PITPNC1: variants seen among roughly 807,000 people sequenced by gnomAD.
PITPNC1 encodes the protein phosphatidylinositol transfer protein cytoplasmic 1, also known as cytoplasmic phosphatidylinositol transfer protein 1.
In PITPNC1, 18 loss-of-function variants were observed where a neutral mutation model predicts 44.7. The ratio of observed to expected loss-of-function variants is 0.40; its 90% CI spans 0.28 to 0.60. The LOEUF (loss-of-function observed/expected upper bound fraction) is 0.60. Among genes scored for constraint, PITPNC1 ranks in the 20% least tolerant of loss-of-function variants. The pLI is 0.39. For missense variants in PITPNC1, 290 were observed against 418.4 expected (o/e 0.69, Z 2.68); for synonymous variants, 141 against 149.6 (o/e 0.94, Z 0.42).
intron 5 of PITPNC1, among the ~76,000 whole-genome samples, chr17:67,584,931 A>G (rs2041291580): frequency 6.6e-6 from 1 of 152,072 alleles, no homozygotes; most frequent in African/African-American, 2.4e-5. Context: ...CCTGACCAAC[A>G]TAGAGAAACC....
chr17:67,454,859 AC>A (rs1396592438), intron 1 of PITPNC1, among the ~76,000 whole-genome samples: 1 of 139,656 alleles, frequency 7.2e-6, no homozygotes, highest in African/African-American at 2.8e-5. Flanking sequence ...TCACTGTGTC[AC>A]CCAGGCTGGA....
At chr17:67,398,583 C>T (rs1276329932) in intron 1 of PITPNC1, among the ~76,000 whole-genome samples, 2 of 152,036 alleles carry the variant, frequency 1.3e-5, no homozygotes, top group Non-Finnish European at 2.9e-5. Flanking sequence ...TGGTGCATCT[C>T]ATCGATTTGC....
At chr17:67,425,244 CACACACACACACACACACAGAG>C (rs1240958292) in intron 1 of PITPNC1, among the ~76,000 whole-genome samples, 23 of 115,884 alleles carry the variant, frequency 2.0e-4, no homozygotes, top group African/African-American at 6.3e-4. Flanking sequence ...CACACACACA[CACACACACACACACACACAGAG>C]GGAGAGAGAG....
intron 1 of PITPNC1, among the ~76,000 whole-genome samples, chr17:67,411,017 G>A (rs1381672970): frequency 6.6e-6 from 1 of 151,340 alleles, no homozygotes; most frequent in Non-Finnish European, 1.5e-5. Flanking sequence ...GGGAGGCGGA[G>A]GTTGCAGTGA....
At chr17:67,622,189 G>A (rs953546165) in intron 5 of PITPNC1, among the ~76,000 whole-genome samples, 27 of 150,584 alleles carry the variant, frequency 1.8e-4, no homozygotes, top group Admixed American at 1.5e-3. Flanking sequence ...CCCGGGAGGC[G>A]GAGCTTGCAG....
intron 1 of PITPNC1, among the ~76,000 whole-genome samples, chr17:67,469,821 G>C (rs1309073201): frequency 6.6e-6 from 1 of 152,086 alleles, no homozygotes; most frequent in Admixed American, 6.6e-5. Flanking sequence ...TAGCTATAGA[G>C]AGGCTCAGGA....
At chr17:67,392,912 G>C (rs2038160149) in intron 1 of PITPNC1, among the ~76,000 whole-genome samples, 1 of 152,088 alleles carries the variant, frequency 6.6e-6, no homozygotes, top group South Asian at 2.1e-4. Context: ...TTGAGGTCAG[G>C]AGTTGGAAAC....
chr17:67,420,698 C>G (rs886090487), intron 1 of PITPNC1, among the ~76,000 whole-genome samples: 2 of 152,146 alleles, frequency 1.3e-5, no homozygotes, highest in African/African-American at 2.4e-5. Flanking sequence ...TCCCAAAGTG[C>G]TGGGATTACA....
intron 1 of PITPNC1, among the ~76,000 whole-genome samples, chr17:67,426,596 C>T (rs557794622): frequency 1.4e-4 from 19 of 132,252 alleles, no homozygotes; most frequent in African/African-American, 3.6e-4. Flanking sequence ...CAACACACAC[C>T]GGGGCCTGTT....
At position 67,389,278 on chromosome 17, in the gene PITPNC1, C is replaced by T. The variant is rs553701933; in HGVS notation, c.48+11076C>T. On this transcript the variant is annotated intron_variant, in intron 1 of 8. Coordinates refer to ENST00000581322, the MANE Select transcript of PITPNC1 (RefSeq NM_012417.4). ...ACTTCAGATCTCTCCGACTTGCTGTCTCTGACTTCTTGATTCTTTTCCAAA... is the reference window on the plus strand; with the variant it reads ...ACTTCAGATCTCTCCGACTTGCTGTTTCTGACTTCTTGATTCTTTTCCAAA... 1.1e-4 allele frequency among the ~76,000 whole-genome samples: 16 copies of T among 152,160 alleles called. 1 individual carries two copies. The South Asian group carries it at 3.3e-3, about 32-fold the overall frequency.
intron 5 of PITPNC1, among the ~76,000 whole-genome samples, chr17:67,614,851 A>G (rs993052302): frequency 7.0e-6 from 1 of 142,316 alleles, no homozygotes; most frequent in Non-Finnish European, 1.6e-5. Context: ...CGTCTCTACT[A>G]AAAAAAAAAA....
In PITPNC1 at chr17:67,669,489, T is replaced by C; in HGVS notation, c.463-19T>C. 1.4e-6 allele frequency: 2 copies of C among 1,441,022 alleles called. No homozygotes were observed. The highest frequency in any genetic ancestry group is 1.8e-6 in the Non-Finnish European group (2 of 1,090,982). The allele number at this position is 1,441,022 out of a possible 1,614,324, so 89.3% of individuals were successfully genotyped here. ...TCAAACTTTTAATATATCAATTTCT[T>C]TGATTTTTTTTTTTCTAGGATCCTA... On this transcript the variant is annotated intron_variant, in intron 6 of 8. Transcript: ENST00000581322.
intron 4 of PITPNC1, 34 bp from the exon 5 acceptor site, chr17:67,578,152 G>T (rs1427584330): frequency 1.4e-6 from 2 of 1,420,884 alleles, no homozygotes; most frequent in African/African-American, 1.4e-5. Context: ...GAGAAAAAAT[G>T]TTATGCTAAT....
At chr17:67,448,523 G>A (rs1382046438) in intron 1 of PITPNC1, among the ~76,000 whole-genome samples, 1 of 152,062 alleles carries the variant, frequency 6.6e-6, no homozygotes, top group African/African-American at 2.4e-5. Flanking sequence ...CCTGCCGTTG[G>A]GGGTGCTTCA....
intron 1 of PITPNC1, among the ~76,000 whole-genome samples, chr17:67,398,701 T>C (rs1397533788): frequency 1.3e-5 from 2 of 151,956 alleles, no homozygotes; most frequent in Non-Finnish European, 2.9e-5. Context: ...TGGTGCAAGT[T>C]TGGCTTTTGG....
intron 8 of PITPNC1, among the ~76,000 whole-genome samples, chr17:67,688,080 T>A (rs975088492): frequency 6.7e-6 from 1 of 150,086 alleles, no homozygotes; most frequent in Non-Finnish European, 1.5e-5. Context: ...GGCTCATGCC[T>A]GTAAGCCCAG....
intron 1 of PITPNC1, among the ~76,000 whole-genome samples, chr17:67,489,468 T>C (rs1435342859): frequency 6.6e-6 from 1 of 152,234 alleles, no homozygotes; most frequent in Non-Finnish European, 1.5e-5. Context: ...TATACAGTTA[T>C]GGTGGCCTCA....
At chr17:67,412,190 C>T (rs1207440087) in intron 1 of PITPNC1, among the ~76,000 whole-genome samples, 1 of 152,158 alleles carries the variant, frequency 6.6e-6, no homozygotes. Context: ...AGTAAATAGC[C>T]ATTAATACTA....
chr17:67,498,763 T>C (rs1379404287), intron 1 of PITPNC1, among the ~76,000 whole-genome samples: 1 of 152,184 alleles, frequency 6.6e-6, no homozygotes, highest in Non-Finnish European at 1.5e-5. Flanking sequence ...TGATATCCCA[T>C]TGTGGTTTTG....
Sources: allele counts gnomAD v4.1 joint callset (sites outside exome capture counted in the v4.1 genomes callset), GRCh38; gene constraint gnomAD v4.1.1; transcripts MANE v1.5; gene names NCBI Gene and HGNC (gene_info 2026-07-23, HGNC 2026-07-21).